The following ATAD3C variants were observed in gnomAD, a reference collection of about 807,000 sequenced individuals.
The protein encoded by ATAD3C is ATPase family AAA domain-containing protein 3C.
ATAD3C carries 38 observed loss-of-function variants against 46.3 expected under a neutral mutation model. That is an observed-to-expected ratio of 0.82 (90% CI 0.63 to 1.08). The LOEUF is 1.08. Among genes scored for constraint, ATAD3C ranks in the 50% least tolerant of loss-of-function variants. The pLI, the probability that ATAD3C is intolerant of heterozygous loss-of-function variation, is 0.00. For synonymous variants in ATAD3C, 220 were observed against 236.4 expected (o/e 0.93, Z 0.63); for missense variants, 563 against 572.7 (o/e 0.98, Z 0.17).
intron 10 of ATAD3C, 129 bp downstream of exon 10, chr1:1,461,046 C>T (rs374461354): frequency 3.4e-5 from 41 of 1,222,982 alleles, no homozygotes; most frequent in African/African-American, 1.2e-4. Flanking sequence ...CCTGCGGTTT[C>T]GTGCAGGAGC....
intron 8 of ATAD3C, among the ~76,000 whole-genome samples, chr1:1,458,907 G>C (rs1357763199): frequency 1.3e-5 from 2 of 151,720 alleles, no homozygotes; most frequent in Non-Finnish European, 2.9e-5. Context: ...TTTTAGTAGA[G>C]ACGGGGTCTC....
rs966777537 is a variant in ATAD3C at position 1,455,390 on chromosome 1, T to G, written c.379-70T>G. The G allele has an allele frequency of 7.0e-6, 11 of 1,581,964 alleles. 1 individual carries two copies. Among genetic ancestry groups the G allele is most frequent in the South Asian group, 3.4e-5 (3 of 88,210 alleles). ...GCTCCGTTTCTGCGTGTTACCGAGC[T>G]TGTGTGTGCGTTGGTGGCTGTTCCG... On this transcript the variant is annotated intron_variant, in intron 4 of 11. Transcript: ENST00000378785.
At position 1,454,478 on chromosome 1, in the gene ATAD3C, A is replaced by G. The variant is rs1334108497; in HGVS notation, c.356A>G (p.Glu119Gly). ...VRETSRITVL[E>G]ALRHPIQQVS... is the part of the protein sequence containing the mutation. ...GAGACGTCCCGCATCACGGTGCTTG[A>G]GGCGCTGCGGCACCCCATCCAGGTA... is the stretch of plus-strand genomic sequence containing the variant. Residue 119 changes from glutamate (E) to glycine (G), a missense_variant, in exon 4 of 12, where the codon GAG (glutamate) becomes GGG (glycine). Physicochemically the swap from Glu to Gly is moderately conservative, Grantham distance 98. Transcript: ENST00000378785. The G allele has an allele frequency of 6.2e-7, 1 of 1,609,198 alleles. No individual in the cohort carries two copies. Among genetic ancestry groups the G allele is most frequent in the Admixed American group, 1.7e-5 (1 of 59,770 alleles).
chr1:1,466,509 C>G (rs1639144674), intron 11 of ATAD3C, among the ~76,000 whole-genome samples: 1 of 138,172 alleles, frequency 7.2e-6, no homozygotes, highest in Non-Finnish European at 1.5e-5. Flanking sequence ...GCCGAGATGC[C>G]TGGGTGACAG....
rs1416514012 is a variant in ATAD3C at position 1,470,095 on chromosome 1, GCTGA to G, written c.*1568_*1571del. 6.6e-6 allele frequency: 1 copy of G among 151,924 alleles called. No homozygotes were observed. The highest frequency in any genetic ancestry group is 2.4e-5 in the African/African-American group (1 of 41,350). The allele number at this position is 151,924 out of a possible 1,614,324, so 9.4% of individuals were successfully genotyped here. On this transcript the variant is annotated 3_prime_UTR_variant, in exon 12 of 12. Coordinates refer to ENST00000378785, the MANE Select transcript of ATAD3C (RefSeq NM_001039211.3). The stretch of plus-strand genomic sequence containing the variant: ...ACTAGTGATAATCCCACCACCCTTT[GCTGA>G]CTCTCTTTTTGAACTCAGCCCGCCT...
chr1:1,460,072 T>G (rs1406863874), intron 9 of ATAD3C, among the ~76,000 whole-genome samples: 2 of 131,878 alleles, frequency 1.5e-5, no homozygotes, highest in Non-Finnish European at 3.1e-5. Context: ...TGGCAGTATT[T>G]TTTTTTTTTT....
chr1:1,466,149 G>A (rs1570160210), intron 11 of ATAD3C, among the ~76,000 whole-genome samples: 1 of 151,462 alleles, frequency 6.6e-6, no homozygotes, highest in Non-Finnish European at 1.5e-5. Flanking sequence ...AGCTGAGGCA[G>A]GAGAATCGCA....
At chr1:1,460,491 G>A (rs1423523902) in intron 9 of ATAD3C, among the ~76,000 whole-genome samples, 2 of 152,026 alleles carry the variant, frequency 1.3e-5, no homozygotes, top group Non-Finnish European at 2.9e-5. Flanking sequence ...TATCAGGCTG[G>A]GCGACGGTCA....
chr1:1,455,330 C>G, intron 4 of ATAD3C, 130 bp from the exon 5 acceptor site: 1 of 1,368,254 alleles, frequency 7.3e-7, no homozygotes, highest in Non-Finnish European at 1.0e-6. Context: ...GGCGGGGTTC[C>G]AGCTCCAGGC....
At position 1,460,745 on chromosome 1, in the gene ATAD3C, C is replaced by T. The variant is rs573039350; in HGVS notation, c.813-5C>T. On this transcript the variant is annotated splice_region_variant and splice_polypyrimidine_tract_variant and intron_variant, in intron 9 of 11. Transcript: ENST00000378785. ...AGCGTTTCCTTCCCCATCCCCGCCC[C>T]GCAGATTCATGCTGATCCTGGCCAG... The T allele has an allele frequency of 2.4e-5, 39 of 1,599,452 alleles. No homozygotes were observed. Among genetic ancestry groups the T allele is most frequent in the East Asian group, 2.3e-4 (10 of 44,332 alleles).
At chr1:1,464,496 C>T (rs1639116958) in intron 11 of ATAD3C, among the ~76,000 whole-genome samples, 1 of 151,930 alleles carries the variant, frequency 6.6e-6, no homozygotes. Flanking sequence ...TTGTGCCGGG[C>T]ACGGTGGCTC....
chr1:1,455,858 T>G lies in ATAD3C; in HGVS notation c.506T>G (p.Leu169Arg). 1.9e-6 allele frequency: 3 copies of G among 1,613,444 alleles called. 1 individual carries two copies. Among genetic ancestry groups the G allele is most frequent in the Non-Finnish European group, 2.5e-6 (3 of 1,179,680 alleles). ...MTRNIKKNRGLYRHILLYGPP... is the reference protein window; with the variant it reads ...MTRNIKKNRGRYRHILLYGPP... ...AGGAACATCAAGAAGAACCGGGGCC[T>G]GTACAGGCACATCCTGCTGTACGGG... is the stretch of plus-strand genomic sequence containing the variant. The change falls in exon 6 of 12, where the codon CTG (leucine) becomes CGG (arginine). Residue 169 changes from leucine (L) to arginine (R), a missense_variant. Physicochemically the swap from Leu to Arg is moderately radical, Grantham distance 102. This residue lies in a region of ATAD3C where 263 missense variants were observed against 243.1 expected (regional missense o/e 1.08). Coordinates refer to ENST00000378785, the MANE Select transcript of ATAD3C (RefSeq NM_001039211.3).
At chr1:1,452,642 CAGTG>C (rs1349890334) in intron 3 of ATAD3C, among the ~76,000 whole-genome samples, 2 of 151,828 alleles carry the variant, frequency 1.3e-5, no homozygotes, top group African/African-American at 2.4e-5. Flanking sequence ...CTGGGCCACA[CAGTG>C]AGATGCCATC....
At position 1,467,847 on chromosome 1, in the gene ATAD3C, G is replaced by T. The variant is rs1240724; in HGVS notation, c.1090-537G>T. ...TGAGGCTGCCTGAAGCCACACCAAGGGCCACAGCCCCAGCAGCTCCAGCCT... is the reference window on the plus strand; with the variant it reads ...TGAGGCTGCCTGAAGCCACACCAAGTGCCACAGCCCCAGCAGCTCCAGCCT... On this transcript the variant is annotated intron_variant, in intron 11 of 11. Transcript: ENST00000378785. Among the ~76,000 whole-genome samples the T allele has an allele frequency of 6.6e-3, 1,008 of 152,174 alleles. 10 individuals are homozygous for T. Among genetic ancestry groups the T allele is most frequent in the African/African-American group, 0.022 (924 of 41,524 alleles).
At position 1,458,884 on chromosome 1, in the gene ATAD3C, C is replaced by G. The variant is rs944228871; in HGVS notation, c.742-277C>G. On this transcript the variant is annotated intron_variant, in intron 8 of 11. Transcript: ENST00000378785. ...ACCACAGGTGTGCCACCACGCCTGG[C>G]TAATTTTTGTATTTTTAGTAGAGAC... Among the ~76,000 whole-genome samples the G allele has an allele frequency of 4.0e-5, 6 of 151,752 alleles. No homozygotes were observed. In the East Asian group the frequency reaches 1.2e-3, roughly 29 times the overall value.
rs187191868 is a variant in ATAD3C, at chr1:1,454,463, G to A, written c.341G>A (p.Arg114His). 3,937 of 1,609,668 alleles carry A rather than the reference G, an allele frequency of 2.4e-3. 104 individuals carry two copies. In the African/African-American group the frequency reaches 0.044, roughly 18 times the overall value. Residue 114 changes from arginine to histidine, a missense_variant, in exon 4 of 12, where the codon CGC (arginine) becomes CAC (histidine). Physicochemically the swap from Arg to His is conservative, Grantham distance 29. Coordinates refer to ENST00000378785, the MANE Select transcript of ATAD3C (RefSeq NM_001039211.3). ...GKPSLVRETSRITVLEALRHP... is the reference protein window; with the variant it reads ...GKPSLVRETSHITVLEALRHP... ...CCGTCCCTAGTGAGGGAGACGTCCC[G>A]CATCACGGTGCTTGAGGCGCTGCGG... is the stretch of plus-strand genomic sequence containing the variant.
rs1027249928 is a variant in ATAD3C, at chr1:1,469,314, G to A, written c.*784G>A. The A allele has an allele frequency of 3.3e-5, 5 of 150,164 alleles. No individual in the cohort carries two copies. The highest frequency in any genetic ancestry group is 1.2e-4 in the African/African-American group (5 of 40,862). The allele number at this position is 150,164 out of a possible 1,614,324, so 9.3% of individuals were successfully genotyped here. A position where few individuals can be genotyped will look rare whatever the true frequency, so the allele number is the denominator to read the frequency against. Reference sequence around the variant, plus strand: ...AAAAAAAAAAAAAAAAGGGCCAGGTGGCACATGCCGGTGGTCCCAGCTTCT... The same window carrying A: ...AAAAAAAAAAAAAAAAGGGCCAGGTAGCACATGCCGGTGGTCCCAGCTTCT... On this transcript the variant is annotated 3_prime_UTR_variant, in exon 12 of 12. Transcript: ENST00000378785.
rs1291457786 is a variant in ATAD3C at position 1,459,540 on chromosome 1, T to G, written c.812+309T>G. 6.6e-6 allele frequency among the ~76,000 whole-genome samples: 1 copy of G among 151,354 alleles called. No homozygotes were observed. Among genetic ancestry groups the G allele is most frequent in the Admixed American group, 6.6e-5 (1 of 15,164 alleles). On this transcript the variant is annotated intron_variant, in intron 9 of 11. Coordinates refer to ENST00000378785, the MANE Select transcript of ATAD3C (RefSeq NM_001039211.3). This position sits in a 1 kb window ranked among gnomAD's most constrained non-coding sequence, Gnocchi z 4.9. ...TGCGGTCCTGTGCCTGCAAGGGAGG[T>G]GGTCTCATCGTGTGAGGCTCTGCTG...
In ATAD3C at chr1:1,457,225, G is replaced by A. The variant is rs772802598; in HGVS notation, c.741+45G>A. 11 of 1,612,520 alleles carry A rather than the reference G, an allele frequency of 6.8e-6. No individual in the cohort carries two copies. The South Asian group carries it at 1.2e-4, about 18-fold the overall frequency. ...TGTCTGGCCACAGGAGGGTGGTGGGGTGTGTGCGGCTGTCATCCTGGGCCA... is the reference window on the plus strand; with the variant it reads ...TGTCTGGCCACAGGAGGGTGGTGGGATGTGTGCGGCTGTCATCCTGGGCCA... On this transcript the variant is annotated intron_variant, in intron 8 of 11. Coordinates refer to ENST00000378785, the MANE Select transcript of ATAD3C (RefSeq NM_001039211.3).
Sources: allele counts gnomAD v4.1 joint callset (sites outside exome capture counted in the v4.1 genomes callset), GRCh38; gene constraint gnomAD v4.1.1; regional missense constraint gnomAD v4.1.1; non-coding constraint Gnocchi (gnomAD v3.1); transcripts MANE v1.5; gene names NCBI Gene and HGNC (gene_info 2026-07-23, HGNC 2026-07-21).